BORCS5: variants seen among roughly 807,000 people sequenced by gnomAD.
BORCS5 encodes BLOC-1 related complex subunit 5.
Under a neutral mutation model 22.1 loss-of-function variants are expected in BORCS5, and 17 were observed. The ratio of observed to expected loss-of-function variants is 0.77; its 90% CI spans 0.53 to 1.15. The LOEUF (loss-of-function observed/expected upper bound fraction) is 1.15. Ranked by LOEUF, BORCS5 falls within the 50% of genes most tolerant of loss-of-function variation. The pLI, the probability that BORCS5 is intolerant of heterozygous loss-of-function variation, is 0.00. For missense variants in BORCS5, 247 were observed against 253.2 expected (o/e 0.98, Z 0.17); for synonymous variants, 117 against 99.8 (o/e 1.17, Z -1.03).
intron 2 of BORCS5, among the ~76,000 whole-genome samples, chr12:12,374,544 G>A (rs1235347091): frequency 6.6e-6 from 1 of 152,008 alleles, no homozygotes; most frequent in African/African-American, 2.4e-5. Context: ...GGAGGCTGAA[G>A]TGGGAGGATC....
At chr12:12,398,963 T>G (rs74556230) in intron 2 of BORCS5, among the ~76,000 whole-genome samples, 4,270 of 152,230 alleles carry the variant, frequency 0.028, 88 homozygotes, top group Non-Finnish European at 0.044. Context: ...GGCCAGCCTT[T>G]ATTGTGTGTC....
rs545178134 is a variant in BORCS5, at chr12:12,415,015, G to A, written c.203-20613G>A. On this transcript the variant is annotated intron_variant, in intron 2 of 3. Transcript: ENST00000314565. ...TGGGGGTGGGGAAGAGGCGCTCCTC[G>A]CTTCCTAGATGGGATGGCGGCCGGG... Among the ~76,000 whole-genome samples, 4 of 124,082 alleles carry A rather than the reference G, an allele frequency of 3.2e-5. 1 individual carries two copies. Among genetic ancestry groups the A allele is most frequent in the African/African-American group, 5.9e-5 (2 of 33,674 alleles). The allele number at this position is 124,082 out of a possible 152,430, so 81.4% of individuals were successfully genotyped here. A position where few individuals can be genotyped will look rare whatever the true frequency, so the allele number is the denominator to read the frequency against.
chr12:12,426,488 T>C (rs1942290704), intron 2 of BORCS5, among the ~76,000 whole-genome samples: 1 of 152,232 alleles, frequency 6.6e-6, no homozygotes, highest in South Asian at 2.1e-4. Flanking sequence ...ATACTGTGTC[T>C]ACTTTTGGGT....
At chr12:12,459,599 T>C (rs1296794052) in intron 3 of BORCS5, among the ~76,000 whole-genome samples, 2 of 152,236 alleles carry the variant, frequency 1.3e-5, no homozygotes, top group East Asian at 3.8e-4. Context: ...CGTGAGCCAC[T>C]GAGTCCAGCC....
intron 3 of BORCS5, among the ~76,000 whole-genome samples, chr12:12,458,997 G>C (rs1943052756): frequency 6.6e-6 from 1 of 151,810 alleles, no homozygotes; most frequent in African/African-American, 2.4e-5. Flanking sequence ...AAAAGAGAGA[G>C]ATAGTCTCCT....
rs1943259652 is a variant in BORCS5, at chr12:12,469,729, C to G, written c.*3953C>G. On this transcript the variant is annotated 3_prime_UTR_variant, in exon 4 of 4. Transcript: ENST00000314565. ...CTTCCTGATTTGTTTATACTTCAGCCAAACCCAGATATATAGTGCTCAGCA... is the reference window on the plus strand; with the variant it reads ...CTTCCTGATTTGTTTATACTTCAGCGAAACCCAGATATATAGTGCTCAGCA... The G allele has an allele frequency of 6.6e-6, 1 of 152,290 alleles. No individual in the cohort carries two copies. Among genetic ancestry groups the G allele is most frequent in the African/African-American group, 2.4e-5 (1 of 41,554 alleles). 9.4% of individuals were successfully genotyped at this position (152,290 alleles called of 1,614,324 possible).
At chr12:12,369,392 A>T (rs1863473085) in intron 2 of BORCS5, among the ~76,000 whole-genome samples, 1 of 152,006 alleles carries the variant, frequency 6.6e-6, no homozygotes, top group African/African-American at 2.4e-5. Context: ...CTGCTTTTTA[A>T]TTGGTGTGTA....
At chr12:12,421,598 A>G (rs576306098) in intron 2 of BORCS5, among the ~76,000 whole-genome samples, 138 of 152,132 alleles carry the variant, frequency 9.1e-4, no homozygotes, top group Middle Eastern at 3.4e-3. Context: ...CTCTTTTTCT[A>G]TTGATTGGAA....
Position 12,357,422 on chromosome 12 carries a change from C to T in BORCS5, c.-30C>T, listed in dbSNP as rs768776428. On this transcript the variant is annotated 5_prime_UTR_variant, in exon 1 of 4. Transcript: ENST00000314565. ...CCGGAGCGGTGACCGCCCGGCCCGC[C>T]GTTCTTCTGCTGCCACCGCTGTCGG... The T allele has an allele frequency of 1.2e-6, 2 of 1,600,436 alleles. No individual in the cohort carries two copies. Among genetic ancestry groups the T allele is most frequent in the South Asian group, 2.2e-5 (2 of 90,476 alleles).
At chr12:12,387,941 C>G (rs1043696357) in intron 2 of BORCS5, among the ~76,000 whole-genome samples, 1 of 151,314 alleles carries the variant, frequency 6.6e-6, no homozygotes, top group South Asian at 2.1e-4. Flanking sequence ...CACGACAGAA[C>G]CTAGGTCAGA....
intron 2 of BORCS5, among the ~76,000 whole-genome samples, chr12:12,401,138 C>T (rs983430175): frequency 1.3e-5 from 2 of 152,118 alleles, no homozygotes; most frequent in African/African-American, 4.8e-5. Flanking sequence ...TCTCCTTTTG[C>T]ACATGTATGA....
At chr12:12,430,337 G>A (rs1006302703) in intron 2 of BORCS5, among the ~76,000 whole-genome samples, 4 of 152,020 alleles carry the variant, frequency 2.6e-5, no homozygotes, top group African/African-American at 9.7e-5. Flanking sequence ...ATTTTTAGTA[G>A]AGACGGGGTT....
chr12:12,404,737 T>C (rs7306943), intron 2 of BORCS5, among the ~76,000 whole-genome samples: 152,319 of 152,342 alleles, frequency 1, 76,148 homozygotes, highest in Middle Eastern at 1. Context: ...CAGTCTCTGT[T>C]GCCCAGGCTG....
chr12:12,405,953 G>A (rs2136078905), intron 2 of BORCS5, among the ~76,000 whole-genome samples: 1 of 152,358 alleles, frequency 6.6e-6, no homozygotes, highest in East Asian at 1.9e-4. Flanking sequence ...CAAGTAAAAT[G>A]GCCAAGATCA....
At chr12:12,378,711 T>C (rs1383266236) in intron 2 of BORCS5, among the ~76,000 whole-genome samples, 1 of 151,222 alleles carries the variant, frequency 6.6e-6, no homozygotes, top group Non-Finnish European at 1.5e-5. Context: ...TTGTGTAGTT[T>C]AGTTGATTAT....
intron 3 of BORCS5, among the ~76,000 whole-genome samples, chr12:12,446,157 C>T (rs1300980222): frequency 2.0e-5 from 3 of 151,786 alleles, no homozygotes; most frequent in Non-Finnish European, 4.4e-5. Flanking sequence ...ACAAAACAGA[C>T]AAGAATCCCT....
intron 2 of BORCS5, among the ~76,000 whole-genome samples, chr12:12,391,656 G>A (rs2136058976): frequency 6.6e-6 from 1 of 151,156 alleles, no homozygotes; most frequent in Middle Eastern, 3.4e-3. Flanking sequence ...CGAAAGTGCT[G>A]GGATTGCAGA....
At chr12:12,418,334 G>A (rs1477941230) in intron 2 of BORCS5, among the ~76,000 whole-genome samples, 9 of 151,648 alleles carry the variant, frequency 5.9e-5, no homozygotes, top group African/African-American at 1.9e-4. Context: ...CACCACACCC[G>A]GCCTGAACCT....
intron 2 of BORCS5, among the ~76,000 whole-genome samples, chr12:12,417,515 C>G (rs1215926823): frequency 6.6e-6 from 1 of 152,070 alleles, no homozygotes; most frequent in African/African-American, 2.4e-5. Context: ...TATTACTTAT[C>G]TTCTGTTTGG....
Sources: gnomAD v4.1 joint callset for allele counts (sites outside exome capture counted in the v4.1 genomes callset) on GRCh38, gnomAD v4.1.1 for gene constraint, MANE v1.5 for transcripts, NCBI Gene and HGNC (gene_info 2026-07-23, HGNC 2026-07-21) for gene names.